GFRA2: variants seen among roughly 807,000 people sequenced by gnomAD.
GFRA2 encodes GDNF family receptor alpha 2, also known as GDNF family receptor alpha-2.
GFRA2 carries 17 observed loss-of-function variants against 48.3 expected under a neutral mutation model. The ratio of observed to expected loss-of-function variants is 0.35; its 90% CI spans 0.24 to 0.53. The LOEUF (loss-of-function observed/expected upper bound fraction) is 0.53, where lower values mean the gene tolerates loss of function less well. Ranked by LOEUF, GFRA2 falls within the 20% of genes least tolerant of loss-of-function variation. The pLI is 0.93. For missense variants in GFRA2, 660 were observed against 637.3 expected, an observed-to-expected ratio of 1.04 and a Z score of -0.38; for synonymous variants, 305 against 257.2, an observed-to-expected ratio of 1.19 and a Z score of -1.78.
chr8:21,753,308 TAAG>T (rs1369121515), intron 3 of GFRA2, among the ~76,000 whole-genome samples: 1 of 151,952 alleles, frequency 6.6e-6, no homozygotes, highest in Admixed American at 6.6e-5. Context: ...GAAAATGTAA[TAAG>T]AAAAAAATTA....
Position 21,693,168 on chromosome 8 carries a change from A to G in GFRA2, c.*110T>C, listed in dbSNP as rs1211075120. On this transcript the variant is annotated 3_prime_UTR_variant, in exon 9 of 9. Transcript: ENST00000524240. ...CAGGTTCAGCGACAAGGTGGGAAAA[A>G]CAATTTTTTTTTTGCAAGGTGTGTG... 8.8e-7 allele frequency: 1 copy of G among 1,138,662 alleles called. No individual in the cohort carries two copies. Among genetic ancestry groups the G allele is most frequent in the Non-Finnish European group, 1.2e-6 (1 of 858,508 alleles). The allele number at this position is 1,138,662 out of a possible 1,614,324, so 70.5% of individuals were successfully genotyped here.
intron 4 of GFRA2, among the ~76,000 whole-genome samples, chr8:21,724,026 C>T (rs942482166): frequency 6.6e-6 from 1 of 152,136 alleles, no homozygotes; most frequent in African/African-American, 2.4e-5. Flanking sequence ...AACCATGGCC[C>T]AGGCTCACCA....
chr8:21,740,658 T>C (rs1804706209), intron 4 of GFRA2, among the ~76,000 whole-genome samples: 1 of 152,218 alleles, frequency 6.6e-6, no homozygotes, highest in African/African-American at 2.4e-5. Context: ...AGGAGAATCC[T>C]ACCCATTCCT....
At chr8:21,744,263 T>C (rs943042022) in intron 4 of GFRA2, among the ~76,000 whole-genome samples, 1 of 152,024 alleles carries the variant, frequency 6.6e-6, no homozygotes, top group Non-Finnish European at 1.5e-5. Flanking sequence ...GAGCCCAACT[T>C]CCTCTGCTTC....
At chr8:21,709,637 T>C (rs573585199) in intron 4 of GFRA2, among the ~76,000 whole-genome samples, 1 of 152,114 alleles carries the variant, frequency 6.6e-6, no homozygotes, top group Non-Finnish European at 1.5e-5. Context: ...ATTGCTTGCT[T>C]ATCTCCCTTG....
intron 4 of GFRA2, among the ~76,000 whole-genome samples, chr8:21,747,427 A>G (rs372740780): frequency 1.4e-4 from 21 of 152,090 alleles, no homozygotes; most frequent in African/African-American, 4.3e-4. Context: ...TTCATCTTCA[A>G]TCGCCTCAAT....
At chr8:21,805,060 G>C (rs1406692093) in exon 2 of GFRA2, 3 of 152,218 alleles carry the variant, frequency 2.0e-5, no homozygotes, top group Non-Finnish European at 4.4e-5. Flanking sequence ...GTCAACAGCA[G>C]TTGTCTCCGG....
At chr8:21,742,062 G>A (rs553294423) in intron 4 of GFRA2, among the ~76,000 whole-genome samples, 1 of 152,324 alleles carries the variant, frequency 6.6e-6, no homozygotes, top group Admixed American at 6.5e-5. Flanking sequence ...ATACAGACAA[G>A]TTCTAAAGAG....
At chr8:21,799,702 C>A (rs921206861) in intron 2 of GFRA2, among the ~76,000 whole-genome samples, 1 of 152,296 alleles carries the variant, frequency 6.6e-6, no homozygotes, top group South Asian at 2.1e-4. Context: ...GCCTAGTGAA[C>A]CAAGTCACTT....
Position 21,767,817 on chromosome 8 carries a change from G to T in GFRA2, c.439+7155C>A, listed in dbSNP as rs914757510. ...GTTGTGGGAGGGGGCACTAAATTTT[G>T]TTCCCTCCTCGTCTTTTTCATAGCA... On this transcript the variant is annotated intron_variant, in intron 3 of 8. Transcript: ENST00000524240. Among the ~76,000 whole-genome samples, 244 of 152,358 alleles carry T rather than the reference G, an allele frequency of 1.6e-3. 4 individuals are homozygous for T. The highest frequency in any genetic ancestry group is 2.6e-3 in the Non-Finnish European group (174 of 68,026).
At chr8:21,777,382 A>G (rs2117718440) in intron 2 of GFRA2, among the ~76,000 whole-genome samples, 1 of 124,868 alleles carries the variant, frequency 8.0e-6, no homozygotes, top group African/African-American at 3.1e-5. Flanking sequence ...AGGTATAGCT[A>G]GGCCAGTCTG....
chr8:21,747,094 G>A lies in GFRA2; in HGVS notation c.794+3494C>T, dbSNP rs370634882. Among the ~76,000 whole-genome samples the A allele has an allele frequency of 4.0e-4, 61 of 152,252 alleles. No individual in the cohort carries two copies. In the South Asian group the frequency reaches 9.5e-3, roughly 24 times the overall value. On this transcript the variant is annotated intron_variant, in intron 4 of 8. Transcript: ENST00000524240. ...TTGAGCGCACCCAGCCCACTCCTAC[G>A]CTTGGGTCCTGGGCTTGGATTCATC...
chr8:21,737,944 C>T (rs927916888), intron 4 of GFRA2, among the ~76,000 whole-genome samples: 1 of 152,184 alleles, frequency 6.6e-6, no homozygotes, highest in Non-Finnish European at 1.5e-5. Flanking sequence ...GTGTGCCGGG[C>T]CGGATGCTCG....
At chr8:21,733,082 G>A (rs1804275781) in intron 4 of GFRA2, among the ~76,000 whole-genome samples, 1 of 152,222 alleles carries the variant, frequency 6.6e-6, no homozygotes, top group South Asian at 2.1e-4. Context: ...CTTATCTGCT[G>A]GCTGCCGGCT....
At chr8:21,793,888 C>G (rs1473625243) in intron 2 of GFRA2, among the ~76,000 whole-genome samples, 2 of 132,464 alleles carry the variant, frequency 1.5e-5, no homozygotes, top group Non-Finnish European at 1.6e-5. Flanking sequence ...TTTTTTGAGA[C>G]AGTCTCGCTC....
intron 4 of GFRA2, among the ~76,000 whole-genome samples, chr8:21,718,536 C>T (rs949257350): frequency 2.6e-5 from 4 of 152,182 alleles, no homozygotes; most frequent in Non-Finnish European, 5.9e-5. Flanking sequence ...TCCCTCAATG[C>T]TCACTGATGT....
chr8:21,734,676 G>A (rs1259234835), intron 4 of GFRA2, among the ~76,000 whole-genome samples: 1 of 152,250 alleles, frequency 6.6e-6, no homozygotes, highest in Non-Finnish European at 1.5e-5. Context: ...CACCTGCCCA[G>A]GGAGGCGAGA....
intron 2 of GFRA2, among the ~76,000 whole-genome samples, chr8:21,800,898 C>A (rs1027688728): frequency 6.7e-6 from 1 of 150,060 alleles, no homozygotes; most frequent in Non-Finnish European, 1.5e-5. Context: ...TGCACTCCAG[C>A]CTGGGTCACA....
chr8:21,759,445 AGAGGGAGAGAGG>A (rs1464849856), intron 3 of GFRA2, among the ~76,000 whole-genome samples: 1 of 68,772 alleles, frequency 1.5e-5, no homozygotes, highest in Admixed American at 1.8e-4. Context: ...AGGGAGGGAG[AGAGGGAGAGAGG>A]GAGGGAGGGA....
Sources: allele counts gnomAD v4.1 joint callset (sites outside exome capture counted in the v4.1 genomes callset), GRCh38; gene constraint gnomAD v4.1.1; transcripts MANE v1.5; gene names NCBI Gene and HGNC (gene_info 2026-07-23, HGNC 2026-07-21).